EMID1: variants seen among roughly 807,000 people sequenced by gnomAD.
EMID1 encodes EMI domain containing 1.
EMID1 carries 40 observed loss-of-function variants against 60.6 expected under a neutral mutation model. The observed-to-expected ratio is 0.66, with a 90% CI of 0.51 to 0.86. EMID1 has a LOEUF of 0.86. Among genes scored for constraint, EMID1 ranks in the 40% least tolerant of loss-of-function variants. The pLI, the probability that EMID1 is intolerant of heterozygous loss-of-function variation, is 0.00. For synonymous variants in EMID1, 242 were observed against 231.0 expected (o/e 1.05, Z -0.43); for missense variants, 585 against 597.1 (o/e 0.98, Z 0.21).
chr22:29,237,579 A>G (rs1461623016), intron 12 of EMID1, among the ~76,000 whole-genome samples: 3 of 143,530 alleles, frequency 2.1e-5, no homozygotes, highest in Non-Finnish European at 4.5e-5. Flanking sequence ...TGGGCAGATC[A>G]TGAGGTCAGG....
intron 1 of EMID1, among the ~76,000 whole-genome samples, 180 bp from the exon 2 acceptor site, chr22:29,214,746 C>T (rs1042063887): frequency 1.3e-5 from 2 of 152,172 alleles, no homozygotes; most frequent in African/African-American, 4.8e-5. Flanking sequence ...ATTCACCCCT[C>T]AGCCACAGGG....
chr22:29,227,202 C>T (rs2040547145), intron 5 of EMID1, among the ~76,000 whole-genome samples: 1 of 152,058 alleles, frequency 6.6e-6, no homozygotes. Flanking sequence ...ATGATCCTCC[C>T]ACCTCAGCCT....
chr22:29,233,379 G>C lies in EMID1; in HGVS notation c.824G>C (p.Gly275Ala). 6.2e-7 allele frequency: 1 copy of C among 1,614,036 alleles called. No homozygotes were observed. Among genetic ancestry groups the C allele is most frequent in the Non-Finnish European group, 8.5e-7 (1 of 1,179,904 alleles). Residue 275 changes from glycine to alanine, a missense_variant and splice_region_variant, in exon 9 of 15, where the codon GGA (glycine) becomes GCA (alanine). Gly to Ala is a moderately conservative substitution (Grantham distance 60, BLOSUM62 0). Coordinates refer to ENST00000334018, the MANE Select transcript of EMID1 (RefSeq NM_133455.4). ...TCACTCATCATCTTTGCTCACCCAG[G>C]AGACCCATTGCTGTCCAACACCTTC... ...GPPHARISQH[G>A]DPLLSNTFTE...
Position 29,226,562 on chromosome 22 carries a change from A to G in EMID1, c.465+11A>G. 1 of 1,610,314 alleles carries G rather than the reference A, an allele frequency of 6.2e-7. No individual in the cohort carries two copies. The highest frequency in any genetic ancestry group is 1.7e-5 in the Admixed American group (1 of 59,748). Reference sequence around the variant, plus strand: ...GTGCTGGAGGCCAAGGTGGGTGAGCAGCTCCCTCCTGGGTGGTTGTTCCCT... The same window carrying G: ...GTGCTGGAGGCCAAGGTGGGTGAGCGGCTCCCTCCTGGGTGGTTGTTCCCT... On this transcript the variant is annotated intron_variant, in intron 5 of 14. Coordinates refer to ENST00000334018, the MANE Select transcript of EMID1 (RefSeq NM_133455.4).
chr22:29,206,175 G>T (rs2039641509), intron 1 of EMID1, 36 bp downstream of exon 1: 2 of 1,217,414 alleles, frequency 1.6e-6, no homozygotes, highest in South Asian at 4.2e-5. Context: ...CCCGCTGGCC[G>T]AGGGTCCCGG....
At chr22:29,215,744 G>C in intron 3 of EMID1, 114 bp downstream of exon 3, 1 of 807,896 alleles carries the variant, frequency 1.2e-6, no homozygotes, top group Non-Finnish European at 2.0e-6. Context: ...ATGCCTGCTG[G>C]GGCCAGCTGC....
rs573286481 is a variant in EMID1 at position 29,237,614 on chromosome 22, C to T, written c.1074+3265C>T. ...GAGATGGAGACCATCCTGGTGAACACGGTGAAACCCCGTCTCTACTAAAAA... is the reference window on the plus strand; with the variant it reads ...GAGATGGAGACCATCCTGGTGAACATGGTGAAACCCCGTCTCTACTAAAAA... On this transcript the variant is annotated intron_variant, in intron 12 of 14. Transcript: ENST00000334018. 9.7e-4 allele frequency among the ~76,000 whole-genome samples: 139 copies of T among 143,340 alleles called. 25 individuals carry two copies. Among genetic ancestry groups the T allele is most frequent in the African/African-American group, 3.7e-3 (134 of 36,160 alleles). 94.0% of individuals were successfully genotyped at this position (143,340 alleles called of 152,430 possible).
intron 5 of EMID1, among the ~76,000 whole-genome samples, chr22:29,226,883 G>A (rs930575655): frequency 3.3e-5 from 5 of 152,120 alleles, no homozygotes; most frequent in African/African-American, 1.2e-4. Flanking sequence ...CAGGAGGCCT[G>A]TGAGCTCCCT....
intron 1 of EMID1, among the ~76,000 whole-genome samples, chr22:29,212,574 T>C (rs2039931831): frequency 6.6e-6 from 1 of 151,820 alleles, no homozygotes; most frequent in Admixed American, 6.6e-5. Context: ...TGTGGCTTTT[T>C]TTTTTTTGAT....
At chr22:29,220,926 G>A (rs2040267724) in intron 3 of EMID1, among the ~76,000 whole-genome samples, 1 of 152,130 alleles carries the variant, frequency 6.6e-6, no homozygotes, top group Admixed American at 6.5e-5. Context: ...AGGTCAAGAT[G>A]TGGAGGTCAA....
At chr22:29,219,330 A>T (rs1249633360) in intron 3 of EMID1, among the ~76,000 whole-genome samples, 4 of 151,316 alleles carry the variant, frequency 2.6e-5, no homozygotes, top group African/African-American at 9.7e-5. Flanking sequence ...TCCCCTCCCC[A>T]TGGGCCCCCT....
At chr22:29,230,812 CAT>C (rs1317579239) in intron 5 of EMID1, among the ~76,000 whole-genome samples, 1 of 152,038 alleles carries the variant, frequency 6.6e-6, no homozygotes, top group African/African-American at 2.4e-5. Context: ...TTAAATTTGC[CAT>C]GTGTGGTGGT....
At chr22:29,243,628 C>A in intron 13 of EMID1, 139 bp downstream of exon 13, 1 of 1,035,438 alleles carries the variant, frequency 9.7e-7, no homozygotes, top group Non-Finnish European at 1.4e-6. Context: ...CAGGCAGGAG[C>A]CTTGGCAATT....
chr22:29,238,322 G>T (rs1336929526), intron 12 of EMID1, among the ~76,000 whole-genome samples: 1 of 137,024 alleles, frequency 7.3e-6, no homozygotes, highest in Non-Finnish European at 1.5e-5. Flanking sequence ...GTCATACTCT[G>T]TCACCTCAGA....
intron 3 of EMID1, 107 bp downstream of exon 3, chr22:29,215,737 C>A: frequency 1.2e-6 from 1 of 836,598 alleles, no homozygotes; most frequent in Non-Finnish European, 1.9e-6. Flanking sequence ...CAGTACCATG[C>A]CTGCTGGGGC....
At chr22:29,232,613 C>CTT in intron 8 of EMID1, 6 of 572,088 alleles carry the variant, frequency 1.0e-5, no homozygotes, top group Non-Finnish European at 1.5e-5. Context: ...TGCCAGGGTC[C>CTT]CACAGCCTGG....
At chr22:29,256,981 C>T (rs1391406501) in intron 14 of EMID1, among the ~76,000 whole-genome samples, 1 of 152,216 alleles carries the variant, frequency 6.6e-6, no homozygotes, top group Non-Finnish European at 1.5e-5. Flanking sequence ...AGGACCAAAT[C>T]TCAGGCTCTC....
intron 12 of EMID1, among the ~76,000 whole-genome samples, chr22:29,237,871 T>A (rs2041012879): frequency 6.9e-6 from 1 of 144,756 alleles, no homozygotes; most frequent in Admixed American, 6.8e-5. Flanking sequence ...ACTACCTTTA[T>A]TTTTTCCCAG....
At position 29,259,506 on chromosome 22, in the gene EMID1, G is replaced by A. The variant is rs16987345; in HGVS notation, c.*562G>A. Reference sequence around the variant, plus strand: ...CAGGTTGGGGATGGGGACATGGAGAGGAAGGGGCCGCCTACTCCTGCAAAT... The same window carrying A: ...CAGGTTGGGGATGGGGACATGGAGAAGAAGGGGCCGCCTACTCCTGCAAAT... On this transcript the variant is annotated 3_prime_UTR_variant, in exon 15 of 15. Coordinates refer to ENST00000334018, the MANE Select transcript of EMID1 (RefSeq NM_133455.4). 1,829 of 167,876 alleles carry A rather than the reference G, an allele frequency of 0.011. 50 individuals carry two copies. The highest frequency in any genetic ancestry group is 0.042 in the African/African-American group (1,763 of 41,718). 10.4% of individuals were successfully genotyped at this position (167,876 alleles called of 1,614,324 possible). A position where few individuals can be genotyped will look rare whatever the true frequency, so the allele number is the denominator to read the frequency against.
Sources: gnomAD v4.1 joint callset for allele counts (sites outside exome capture counted in the v4.1 genomes callset) on GRCh38, gnomAD v4.1.1 for gene constraint, MANE v1.5 for transcripts, NCBI Gene and HGNC (gene_info 2026-07-23, HGNC 2026-07-21) for gene names.